NRIP1: variants seen among roughly 807,000 people sequenced by gnomAD.
The protein encoded by NRIP1 is nuclear receptor interacting protein 1, also known as nuclear receptor-interacting protein 1.
Under a neutral mutation model 75.0 loss-of-function variants are expected in NRIP1, and 28 were observed. The observed-to-expected ratio is 0.37, with a 90% confidence interval of 0.28 to 0.51. NRIP1 has a LOEUF of 0.51. Ranked by LOEUF, NRIP1 falls within the 20% of genes least tolerant of loss-of-function variation. The probability of loss-of-function intolerance (pLI) is 0.92; values close to 1 mark genes in which losing one functional copy is unlikely to be tolerated. For synonymous variants in NRIP1, 526 were observed against 487.6 expected (o/e 1.08, Z -1.04); for missense variants, 1,435 against 1,343.7 (o/e 1.07, Z -1.06).
chr21:14,999,538 C>T (rs2087804629), intron 3 of NRIP1, among the ~76,000 whole-genome samples: 1 of 109,658 alleles, frequency 9.1e-6, no homozygotes, highest in Non-Finnish European at 1.7e-5. Context: ...AGAGTTGATA[C>T]CAGGTTAAAA....
At chr21:15,020,778 G>A (rs2147206191) in intron 2 of NRIP1, among the ~76,000 whole-genome samples, 1 of 152,002 alleles carries the variant, frequency 6.6e-6, no homozygotes, top group East Asian at 1.9e-4. Context: ...TGAATGTTTG[G>A]TAAACACATA....
intron 1 of NRIP1, among the ~76,000 whole-genome samples, chr21:15,052,692 A>G (rs2089227396): frequency 1.3e-5 from 2 of 152,208 alleles, no homozygotes; most frequent in Non-Finnish European, 2.9e-5. Flanking sequence ...CTATATGCAT[A>G]TGAATTGCTG....
chr21:14,988,172 T>C (rs927922970), intron 3 of NRIP1: 1 of 152,088 alleles, frequency 6.6e-6, no homozygotes, highest in Non-Finnish European at 1.5e-5. Flanking sequence ...ACTTAACTGT[T>C]CCGAGGCTCA....
At chr21:15,016,260 TAAG>T (rs900918016) in intron 2 of NRIP1, among the ~76,000 whole-genome samples, 9 of 152,198 alleles carry the variant, frequency 5.9e-5, no homozygotes, top group Non-Finnish European at 8.8e-5. Context: ...ATAGGAATTC[TAAG>T]AAGAGTAGGA....
At chr21:15,016,412 C>A (rs906407984) in intron 2 of NRIP1, among the ~76,000 whole-genome samples, 3 of 152,054 alleles carry the variant, frequency 2.0e-5, no homozygotes, top group Non-Finnish European at 4.4e-5. Flanking sequence ...GTCTCCAATC[C>A]CCAGTCTCTG....
At chr21:14,999,491 G>C (rs555382909) in intron 3 of NRIP1, among the ~76,000 whole-genome samples, 11 of 151,990 alleles carry the variant, frequency 7.2e-5, no homozygotes, top group African/African-American at 2.4e-4. Flanking sequence ...TAATATAAAC[G>C]TAACAATTAT....
intron 3 of NRIP1, among the ~76,000 whole-genome samples, chr21:15,013,373 A>G (rs2088155419): frequency 6.6e-6 from 1 of 152,222 alleles, no homozygotes; most frequent in Non-Finnish European, 1.5e-5. Flanking sequence ...AGGATTATCC[A>G]TATGAGGCCT....
chr21:15,005,139 A>C (rs1352397296), intron 3 of NRIP1, among the ~76,000 whole-genome samples: 1 of 152,246 alleles, frequency 6.6e-6, no homozygotes, highest in Non-Finnish European at 1.5e-5. Context: ...AATTCAAAGC[A>C]ATGACAAATA....
At chr21:15,023,310 A>G (rs572461539) in intron 2 of NRIP1, among the ~76,000 whole-genome samples, 1 of 152,346 alleles carries the variant, frequency 6.6e-6, no homozygotes, top group African/African-American at 2.4e-5. Flanking sequence ...CTAGATCTCT[A>G]ATCTTACTTG....
upstream of NRIP1, chr21:15,065,057 C>T (rs918900522): frequency 2.6e-5 from 4 of 155,030 alleles, no homozygotes; most frequent in African/African-American, 7.3e-5. Context: ...GCTCCTCCCT[C>T]CGCCGCCGAG....
chr21:15,017,635 G>A (rs2088268419), intron 2 of NRIP1, among the ~76,000 whole-genome samples: 1 of 152,158 alleles, frequency 6.6e-6, no homozygotes, highest in South Asian at 2.1e-4. Flanking sequence ...AAGAGACTGA[G>A]GTGGAATTCA....
intron 1 of NRIP1, chr21:15,051,151 G>T: frequency 3.0e-6 from 1 of 329,462 alleles, no homozygotes. Flanking sequence ...TTCTCATGTG[G>T]CCCTGAATGG....
At chr21:15,026,629 C>G (rs1387303358) in intron 2 of NRIP1, among the ~76,000 whole-genome samples, 3 of 151,956 alleles carry the variant, frequency 2.0e-5, no homozygotes, top group Non-Finnish European at 2.9e-5. Context: ...ATAAGTACAC[C>G]TATATATGTA....
At chr21:15,049,431 C>T (rs1183478285) in intron 1 of NRIP1, among the ~76,000 whole-genome samples, 1 of 151,930 alleles carries the variant, frequency 6.6e-6, no homozygotes, top group Non-Finnish European at 1.5e-5. Context: ...TATATCAAAA[C>T]ACACACACAC....
Position 14,966,737 on chromosome 21 carries a change from T to C in NRIP1, c.1456A>G (p.Thr486Ala). 1 of 1,614,072 alleles carries C rather than the reference T, an allele frequency of 6.2e-7. No individual in the cohort carries two copies. The highest frequency in any genetic ancestry group is 2.2e-5 in the East Asian group (1 of 44,876). ...GAGTTTAGCTTAGAATTCTTTGAGG[T>C]ATCTTGATCTTCTTTGATATCTACA... ...PDVDIKEDQD[T>A]SKNSKLNSHQ... Residue 486 changes from threonine to alanine, a missense_variant, in exon 4 of 4, where the codon ACC (threonine) becomes GCC (alanine). Thr to Ala is a moderately conservative substitution (Grantham distance 58). Coordinates refer to ENST00000318948, the MANE Select transcript of NRIP1 (RefSeq NM_003489.4).
At chr21:14,971,179 G>C (rs1028609583) in intron 3 of NRIP1, among the ~76,000 whole-genome samples, 1 of 152,156 alleles carries the variant, frequency 6.6e-6, no homozygotes, top group African/African-American at 2.4e-5. Context: ...CCTTGGGTCT[G>C]AGGACTGTGC....
intron 3 of NRIP1, among the ~76,000 whole-genome samples, chr21:14,989,525 T>C (rs984611489): frequency 1.2e-4 from 18 of 152,202 alleles, no homozygotes; most frequent in South Asian, 2.1e-4. Flanking sequence ...TGAGCTACCC[T>C]GGGAGTGAAT....
chr21:14,981,572 G>A (rs1178243296), intron 3 of NRIP1, among the ~76,000 whole-genome samples: 3 of 152,064 alleles, frequency 2.0e-5, no homozygotes, highest in Admixed American at 6.6e-5. Flanking sequence ...GCAGATTAGC[G>A]GTCTAGGGAA....
intron 1 of NRIP1, among the ~76,000 whole-genome samples, chr21:15,044,199 G>A (rs2089020760): frequency 6.6e-6 from 1 of 151,726 alleles, no homozygotes; most frequent in South Asian, 2.1e-4. Flanking sequence ...AAGATAAAGA[G>A]GAATTTCAGT....
Sources: allele counts gnomAD v4.1 joint callset (sites outside exome capture counted in the v4.1 genomes callset), GRCh38; gene constraint gnomAD v4.1.1; transcripts MANE v1.5; gene names NCBI Gene and HGNC (gene_info 2026-07-23, HGNC 2026-07-21).